Variants in KLHL4 observed in about 807,000 individuals in gnomAD.
KLHL4 encodes kelch-like protein 4.
In KLHL4, 17 loss-of-function variants were observed where a neutral mutation model predicts 45.8. That is an observed-to-expected ratio of 0.37 (90% CI 0.25 to 0.56). The LOEUF is 0.56. Among genes scored for constraint, KLHL4 ranks in the 20% least tolerant of loss-of-function variants. The pLI, the probability that KLHL4 is intolerant of heterozygous loss-of-function variation, is 0.79. For missense variants in KLHL4, 544 were observed against 544.9 expected (o/e 1.00, Z 0.02); for synonymous variants, 224 against 189.9 (o/e 1.18, Z -1.47).
intron 1 of KLHL4, among the ~76,000 whole-genome samples, chrX:87,559,283 G>A (rs1267324565): frequency 8.9e-6 from 1 of 111,842 alleles, no homozygotes. Flanking sequence ...GACTGGATTT[G>A]GCCCACTAGC....
intron 9 of KLHL4, among the ~76,000 whole-genome samples, chrX:87,649,261 T>G (rs1015135665): frequency 1.8e-5 from 2 of 111,793 alleles, no homozygotes; most frequent in African/African-American, 6.5e-5. Context: ...TCTAGTTACC[T>G]CATAAAAGTG....
chrX:87,554,898 A>T (rs1390915475), intron 1 of KLHL4, among the ~76,000 whole-genome samples: 2 of 104,845 alleles, frequency 1.9e-5, no homozygotes, highest in Non-Finnish European at 3.9e-5. Context: ...TCCCATCAAT[A>T]CCTAATTTAT....
chrX:87,659,184 A>G (rs745322773), intron 9 of KLHL4, among the ~76,000 whole-genome samples: 13 of 91,466 alleles, frequency 1.4e-4, no homozygotes, highest in African/African-American at 4.9e-4. Context: ...CAGTGGTGCA[A>G]TCTCAGCTCA....
intron 1 of KLHL4, among the ~76,000 whole-genome samples, chrX:87,607,955 A>C (rs1922251653): frequency 9.0e-6 from 1 of 110,902 alleles, no homozygotes; most frequent in African/African-American, 3.3e-5. Context: ...CATTCTCCTC[A>C]ATTATCTCCC....
chrX:87,587,970 T>A (rs1476749254), intron 1 of KLHL4, among the ~76,000 whole-genome samples: 1 of 111,249 alleles, frequency 9.0e-6, no homozygotes, highest in Non-Finnish European at 1.9e-5. Flanking sequence ...GGATAAAAAA[T>A]CAACATACAA....
intron 9 of KLHL4, among the ~76,000 whole-genome samples, chrX:87,645,259 T>G (rs1923592787): frequency 8.9e-6 from 1 of 111,752 alleles, no homozygotes; most frequent in Non-Finnish European, 1.9e-5. Context: ...TAAACAATTC[T>G]CAAAAGAAGA....
At chrX:87,648,303 T>C (rs1260546765) in intron 9 of KLHL4, among the ~76,000 whole-genome samples, 1 of 111,403 alleles carries the variant, frequency 9.0e-6, no homozygotes, top group Non-Finnish European at 1.9e-5. Context: ...GGAAAATTTA[T>C]AGAATGGGTA....
intron 1 of KLHL4, among the ~76,000 whole-genome samples, chrX:87,529,023 C>T (rs1172986675): frequency 1.9e-5 from 2 of 107,877 alleles, no homozygotes; most frequent in East Asian, 3.0e-4. Context: ...AAACTTTTCA[C>T]GTCAGGAGAA....
chrX:87,582,652 A>G (rs2147795707), intron 1 of KLHL4, among the ~76,000 whole-genome samples: 1 of 112,148 alleles, frequency 8.9e-6, no homozygotes. Context: ...TCTAGTGCAG[A>G]ACTAGGCCAA....
At chrX:87,601,366 G>T (rs1166844582) in intron 1 of KLHL4, among the ~76,000 whole-genome samples, 2 of 111,477 alleles carry the variant, frequency 1.8e-5, no homozygotes, top group African/African-American at 6.5e-5. Flanking sequence ...CTTAAAGCAG[G>T]TTGCCCACAT....
At chrX:87,596,283 T>C (rs1921837994) in intron 1 of KLHL4, among the ~76,000 whole-genome samples, 1 of 112,361 alleles carries the variant, frequency 8.9e-6, no homozygotes, top group African/African-American at 3.2e-5. Flanking sequence ...AATGGACTAA[T>C]AGAACATGCA....
At chrX:87,617,379 G>A (rs1182865640) in intron 3 of KLHL4, among the ~76,000 whole-genome samples, 3 of 109,599 alleles carry the variant, frequency 2.7e-5, no homozygotes, top group African/African-American at 9.9e-5. Context: ...TAAAAGTTCA[G>A]TGTTCTTCTT....
intron 9 of KLHL4, among the ~76,000 whole-genome samples, chrX:87,646,778 G>T (rs1923650720): frequency 9.0e-6 from 1 of 111,254 alleles, no homozygotes; most frequent in Non-Finnish European, 1.9e-5. Flanking sequence ...TAAATCTAAA[G>T]CCTGAAACCA....
chrX:87,632,367 A>G lies in KLHL4; in HGVS notation c.1482A>G (p.Glu494=). 8.3e-7 allele frequency: 1 copy of G among 1,211,217 alleles called. No homozygotes were observed. The highest frequency in any genetic ancestry group is 1.1e-6 in the Non-Finnish European group (1 of 895,033). Residue 494 remains glutamate, a synonymous_variant, in exon 7 of 11, where the codon GAA becomes GAG. Transcript: ENST00000373119. The part of the protein sequence containing the change: ...RDGLKTLNTV[E]CFNPVGKIWT... Reference sequence around the variant, plus strand: ...GTTTAAAAACTTTGAATACAGTGGAATGTTTTAATCCAGTTGGCAAAATCT... The same window carrying G: ...GTTTAAAAACTTTGAATACAGTGGAGTGTTTTAATCCAGTTGGCAAAATCT...
At chrX:87,603,804 A>G (rs1922098260) in intron 1 of KLHL4, among the ~76,000 whole-genome samples, 1 of 110,114 alleles carries the variant, frequency 9.1e-6, no homozygotes, top group African/African-American at 3.3e-5. Context: ...CACTCACTCT[A>G]CTGTGCAATG....
intron 6 of KLHL4, 40 bp downstream of exon 6, chrX:87,625,836 ATTC>A: frequency 1.1e-5 from 11 of 1,041,324 alleles, no homozygotes; most frequent in Non-Finnish European, 1.4e-5. Context: ...AAAAAGATAC[ATTC>A]TTAACAGCCT....
At chrX:87,621,883 G>T (rs1210793979) in intron 4 of KLHL4, among the ~76,000 whole-genome samples, 1 of 111,528 alleles carries the variant, frequency 9.0e-6, no homozygotes, top group East Asian at 2.8e-4. Context: ...CAGCTCTGAA[G>T]TCATGAGCTG....
chrX:87,620,838 C>T (rs1209810917), intron 4 of KLHL4, among the ~76,000 whole-genome samples: 1 of 112,140 alleles, frequency 8.9e-6, no homozygotes, highest in East Asian at 2.8e-4. Context: ...CTGGTGATGA[C>T]TTAATGCTTG....
intron 7 of KLHL4, 38 bp downstream of exon 7, chrX:87,632,472 A>C (rs1353985918): frequency 1.1e-6 from 1 of 923,539 alleles, no homozygotes; most frequent in Non-Finnish European, 1.5e-6. Context: ...AAGAATGTAT[A>C]GTAAGTAGAG....
Sources: allele counts gnomAD v4.1 joint callset (sites outside exome capture counted in the v4.1 genomes callset), GRCh38; gene constraint gnomAD v4.1.1; transcripts MANE v1.5; gene names NCBI Gene and HGNC (gene_info 2026-07-23, HGNC 2026-07-21).